Variants in PARD3 observed in about 807,000 individuals in gnomAD.
PARD3 encodes the protein par-3 family cell polarity regulator.
PARD3 carries 75 observed loss-of-function variants against 155.4 expected under a neutral mutation model. That is an observed-to-expected ratio of 0.48 (90% CI 0.40 to 0.58). PARD3 has a LOEUF of 0.58. PARD3 is among the 20% of genes least tolerant of loss of function. The pLI is 0.00. For missense variants in PARD3, 1,642 were observed against 1,721.7 expected (o/e 0.95, Z 0.82); for synonymous variants, 576 against 610.5 (o/e 0.94, Z 0.83).
At chr10:34,309,510 T>C (rs1232527719) in intron 20 of PARD3, among the ~76,000 whole-genome samples, 3 of 124,398 alleles carry the variant, frequency 2.4e-5, no homozygotes, top group East Asian at 2.6e-4. Context: ...TGAGGCATGA[T>C]TGCACCACTG....
At chr10:34,721,544 T>G (rs1564545578) in intron 1 of PARD3, among the ~76,000 whole-genome samples, 1 of 152,024 alleles carries the variant, frequency 6.6e-6, no homozygotes, top group Non-Finnish European at 1.5e-5. Flanking sequence ...CCCCCAGGAG[T>G]GCCCAGCATC....
chr10:34,529,333 G>T (rs1805746505), intron 2 of PARD3, among the ~76,000 whole-genome samples: 1 of 152,100 alleles, frequency 6.6e-6, no homozygotes, highest in Non-Finnish European at 1.5e-5. Flanking sequence ...ACTGACTAAA[G>T]AATATAAATA....
intron 2 of PARD3, among the ~76,000 whole-genome samples, chr10:34,571,030 G>A (rs370204694): frequency 4.6e-4 from 70 of 152,252 alleles, no homozygotes; most frequent in East Asian, 4.5e-3. Flanking sequence ...GAAATGTTTC[G>A]ACTGGGCGTA....
rs374237396 is a variant in PARD3 at position 34,424,564 on chromosome 10, G to A, written c.715-22647C>T. Among the ~76,000 whole-genome samples, 34 of 152,038 alleles carry A rather than the reference G, an allele frequency of 2.2e-4. 1 individual carries two copies. The East Asian group carries it at 2.9e-3, about 13-fold the overall frequency. On this transcript the variant is annotated intron_variant, in intron 5 of 24. Coordinates refer to ENST00000374788, the MANE Select transcript of PARD3 (RefSeq NM_001184785.2). ...GAGTCTTGCTCTGTCACCCAGGCTG[G>A]AGTGCAATGGCATGGTCTCAGCTCA...
chr10:34,377,119 C>A (rs1020943695), intron 10 of PARD3, among the ~76,000 whole-genome samples: 1 of 152,170 alleles, frequency 6.6e-6, no homozygotes, highest in Non-Finnish European at 1.5e-5. Flanking sequence ...ATTCTCCATG[C>A]TGCCATTTCA....
chr10:34,336,151 T>C (rs1418771449), intron 18 of PARD3, 48 bp downstream of exon 18: 1 of 1,377,816 alleles, frequency 7.3e-7, no homozygotes, highest in Non-Finnish European at 1.0e-6. Context: ...TGTGATAAGC[T>C]ATGTGGGCCA....
chr10:34,240,868 T>G (rs1340707800), intron 22 of PARD3, among the ~76,000 whole-genome samples: 5 of 152,078 alleles, frequency 3.3e-5, no homozygotes, highest in Non-Finnish European at 7.4e-5. Context: ...AGAAACTGCC[T>G]GAGCGTGCAC....
chr10:34,600,377 T>G (rs151223113), intron 2 of PARD3, among the ~76,000 whole-genome samples: 10 of 151,318 alleles, frequency 6.6e-5, no homozygotes, highest in Admixed American at 5.9e-4. Context: ...TTAATTAAAA[T>G]AAAAGGTATA....
At chr10:34,176,506 A>C (rs1465635978) in intron 22 of PARD3, among the ~76,000 whole-genome samples, 1 of 152,186 alleles carries the variant, frequency 6.6e-6, no homozygotes, top group Non-Finnish European at 1.5e-5. Context: ...TATTGTTTCC[A>C]CTTTGAGGAA....
At chr10:34,455,943 A>C (rs983111080) in intron 4 of PARD3, among the ~76,000 whole-genome samples, 8 of 152,232 alleles carry the variant, frequency 5.3e-5, no homozygotes, top group African/African-American at 7.2e-5. Flanking sequence ...AGTATCCAGC[A>C]CATAATCAGC....
At chr10:34,556,583 C>T (rs559101134) in intron 2 of PARD3, among the ~76,000 whole-genome samples, 6 of 151,916 alleles carry the variant, frequency 3.9e-5, no homozygotes, top group African/African-American at 4.8e-5. Context: ...GGGGTTTCAC[C>T]GTGTTAGCCA....
intron 2 of PARD3, among the ~76,000 whole-genome samples, chr10:34,662,506 G>C (rs1265567209): frequency 1.3e-5 from 2 of 152,180 alleles, no homozygotes; most frequent in Non-Finnish European, 2.9e-5. Context: ...AGCAAACTAA[G>C]TTTCCATCAA....
intron 2 of PARD3, among the ~76,000 whole-genome samples, chr10:34,635,407 C>A (rs959107557): frequency 2.0e-5 from 3 of 152,220 alleles, no homozygotes; most frequent in Non-Finnish European, 4.4e-5. Flanking sequence ...GGGCTCAGCT[C>A]CTTTTCCCCA....
chr10:34,762,221 T>G (rs1837526889), intron 1 of PARD3, among the ~76,000 whole-genome samples: 1 of 151,906 alleles, frequency 6.6e-6, no homozygotes, highest in Admixed American at 6.6e-5. Flanking sequence ...ACAGTTTACT[T>G]TTTTGTGTGT....
intron 23 of PARD3, among the ~76,000 whole-genome samples, chr10:34,130,788 C>G (rs1246319979): frequency 6.6e-6 from 1 of 152,202 alleles, no homozygotes; most frequent in Non-Finnish European, 1.5e-5. Flanking sequence ...AGACCTGGCA[C>G]AGTGGTTCAC....
intron 14 of PARD3, among the ~76,000 whole-genome samples, chr10:34,348,897 T>C (rs977543606): frequency 2.6e-5 from 4 of 152,228 alleles, no homozygotes; most frequent in Non-Finnish European, 5.9e-5. Context: ...GTATCGGGCA[T>C]TTCTTAAAAC....
intron 22 of PARD3, among the ~76,000 whole-genome samples, chr10:34,197,862 G>A (rs551763311): frequency 3.9e-4 from 60 of 152,198 alleles, no homozygotes; most frequent in African/African-American, 1.3e-3. Context: ...CCCGAGCAGC[G>A]GGGACTACAG....
At chr10:34,342,118 C>T (rs372915616) in intron 15 of PARD3, among the ~76,000 whole-genome samples, 5 of 152,296 alleles carry the variant, frequency 3.3e-5, no homozygotes, top group East Asian at 3.9e-4. Context: ...TGTGAAAATG[C>T]TACACGCATT....
chr10:34,327,321 G>A (rs1348965891), intron 19 of PARD3, among the ~76,000 whole-genome samples: 3 of 152,146 alleles, frequency 2.0e-5, no homozygotes, highest in Non-Finnish European at 4.4e-5. Context: ...GATTAAATGA[G>A]ACACAAAAAT....
Sources: gnomAD v4.1 joint callset for allele counts (sites outside exome capture counted in the v4.1 genomes callset) on GRCh38, gnomAD v4.1.1 for gene constraint, MANE v1.5 for transcripts, NCBI Gene and HGNC (gene_info 2026-07-23, HGNC 2026-07-21) for gene names.